TUSC3: variants seen among roughly 807,000 people sequenced by gnomAD.
TUSC3 encodes the protein dolichyl-diphosphooligosaccharide--protein glycosyltransferase subunit TUSC3.
Under a neutral mutation model 44.8 loss-of-function variants are expected in TUSC3, and 45 were observed. The observed-to-expected ratio is 1.00, with a 90% CI of 0.79 to 1.29. TUSC3 has a LOEUF of 1.29. TUSC3 is among the 50% of genes most tolerant of loss of function. TUSC3 has a pLI of 0.00. For missense variants in TUSC3, 519 were observed against 437.9 expected (o/e 1.19, Z -1.65); for synonymous variants, 212 against 152.9 (o/e 1.39, Z -2.85).
At chr8:15,453,953 C>T (rs1800224503) in intron 1 of TUSC3, among the ~76,000 whole-genome samples, 1 of 152,138 alleles carries the variant, frequency 6.6e-6, no homozygotes, top group African/African-American at 2.4e-5. Context: ...TGGGCTCAAG[C>T]ATGTACACTA....
chr8:15,450,543 A>T (rs1585050498), intron 1 of TUSC3, among the ~76,000 whole-genome samples: 1 of 152,094 alleles, frequency 6.6e-6, no homozygotes, highest in East Asian at 1.9e-4. Context: ...AATTCACCCC[A>T]CCTGTAATCC....
At chr8:15,825,295 T>G in the TUSC3 span, among the ~76,000 whole-genome samples, 3 of 152,126 alleles carry the variant, frequency 2.0e-5, no homozygotes, top group Admixed American at 1.3e-4. Context: ...GGACTTACAG[T>G]TCCACATGGC....
chr8:15,772,485 A>T, the TUSC3 span, among the ~76,000 whole-genome samples: 1 of 152,198 alleles, frequency 6.6e-6, no homozygotes, highest in Non-Finnish European at 1.5e-5. Context: ...AAAACAAAAT[A>T]TGGACAGACC....
the TUSC3 span, among the ~76,000 whole-genome samples, chr8:15,782,517 T>C: frequency 6.6e-6 from 1 of 152,128 alleles, no homozygotes; most frequent in Non-Finnish European, 1.5e-5. Flanking sequence ...AATATACTCA[T>C]ATATTAAACA....
the TUSC3 span, among the ~76,000 whole-genome samples, chr8:15,776,874 C>T: frequency 2.0e-5 from 3 of 151,994 alleles, no homozygotes; most frequent in Non-Finnish European, 2.9e-5. Flanking sequence ...AACAGGGTAA[C>T]ATGATGGGCA....
chr8:15,724,793 A>G (rs2604368), intron 6 of TUSC3, among the ~76,000 whole-genome samples: 4,247 of 152,232 alleles, frequency 0.028, 58 homozygotes, highest in Middle Eastern at 0.058. Context: ...AGATGGGAAA[A>G]GTTTGCATGT....
chr8:15,707,552 A>G (rs1054549993), intron 6 of TUSC3, among the ~76,000 whole-genome samples: 2 of 151,972 alleles, frequency 1.3e-5, no homozygotes, highest in Non-Finnish European at 2.9e-5. Flanking sequence ...GGGAAATGAT[A>G]TGTAAGTAGA....
intron 2 of TUSC3, among the ~76,000 whole-genome samples, chr8:15,650,318 A>G (rs1390536001): frequency 6.6e-6 from 1 of 152,202 alleles, no homozygotes; most frequent in African/African-American, 2.4e-5. Flanking sequence ...ATTTATGTGT[A>G]TAGGGAATGC....
chr8:15,549,799 G>A (rs910597076), intron 1 of TUSC3, among the ~76,000 whole-genome samples: 1 of 151,574 alleles, frequency 6.6e-6, no homozygotes, highest in African/African-American at 2.4e-5. Flanking sequence ...GCATTTATGA[G>A]GAAGGATGGC....
At chr8:15,567,103 C>T (rs1432762077) in intron 1 of TUSC3, among the ~76,000 whole-genome samples, 1 of 152,126 alleles carries the variant, frequency 6.6e-6, no homozygotes, top group Non-Finnish European at 1.5e-5. Flanking sequence ...CCATATCTTT[C>T]TGGGTCACAG....
chr8:15,756,711 C>T (rs999795278), intron 9 of TUSC3, among the ~76,000 whole-genome samples: 2 of 152,152 alleles, frequency 1.3e-5, no homozygotes, highest in East Asian at 1.9e-4. Flanking sequence ...AATACAAATA[C>T]AGTGAGGCTT....
intron 1 of TUSC3, among the ~76,000 whole-genome samples, chr8:15,568,802 T>C (rs1282934647): frequency 6.6e-6 from 1 of 152,022 alleles, no homozygotes; most frequent in Non-Finnish European, 1.5e-5. Context: ...TTCTTATTGG[T>C]ATATTTGTGT....
intron 1 of TUSC3, among the ~76,000 whole-genome samples, chr8:15,558,893 C>G (rs1802360380): frequency 2.0e-5 from 3 of 151,184 alleles, no homozygotes; most frequent in Admixed American, 6.6e-5. Context: ...CGATTCTTCT[C>G]TTTTTCTTTA....
At chr8:15,432,473 G>C (rs10106160) in intron 1 of TUSC3, among the ~76,000 whole-genome samples, 24,680 of 151,990 alleles carry the variant, frequency 0.16, 2,081 homozygotes, top group Middle Eastern at 0.23. Context: ...AATTTTAAGT[G>C]TCATAATTTC....
rs528802946 is a variant in TUSC3, at chr8:15,661,973, A to G, written c.568-183A>G. ...TCAGGGAAGTGCAAAGTCGTTTTAC[A>G]TAGCCATTATGTCTTAAGGCATATA... On this transcript the variant is annotated intron_variant, in intron 4 of 10. Transcript: ENST00000503731. 3.9e-5 allele frequency among the ~76,000 whole-genome samples: 6 copies of G among 152,180 alleles called. No homozygotes were observed. The South Asian group carries it at 6.2e-4, about 16-fold the overall frequency.
chr8:15,458,026 A>C (rs1259834035), intron 1 of TUSC3, among the ~76,000 whole-genome samples: 2 of 152,050 alleles, frequency 1.3e-5, no homozygotes, highest in Admixed American at 1.3e-4. Flanking sequence ...AAAAAGGCCA[A>C]ATAATTCAAA....
At chr8:15,719,509 ACACACAC>A (rs1485748683) in intron 6 of TUSC3, among the ~76,000 whole-genome samples, 1 of 38,364 alleles carries the variant, frequency 2.6e-5, no homozygotes, top group African/African-American at 1.3e-4. Flanking sequence ...ACACACACAC[ACACACAC>A]CACACACACA....
the TUSC3 span, among the ~76,000 whole-genome samples, chr8:15,820,371 G>A: frequency 6.7e-6 from 1 of 149,004 alleles, no homozygotes; most frequent in Non-Finnish European, 1.5e-5. Flanking sequence ...GAGTGCAGTG[G>A]CGCGATCTTG....
At chr8:15,674,610 T>C (rs1324976050) in intron 6 of TUSC3, among the ~76,000 whole-genome samples, 1 of 151,850 alleles carries the variant, frequency 6.6e-6, no homozygotes, top group East Asian at 1.9e-4. Flanking sequence ...TTTCTTTCTG[T>C]CCACCTGCTA....
Sources: gnomAD v4.1 joint callset for allele counts (sites outside exome capture counted in the v4.1 genomes callset) on GRCh38, gnomAD v4.1.1 for gene constraint, MANE v1.5 for transcripts, NCBI Gene and HGNC (gene_info 2026-07-23, HGNC 2026-07-21) for gene names.